ZNF175: variants seen among roughly 807,000 people sequenced by gnomAD.
ZNF175 encodes the protein zinc finger protein 175.
In ZNF175, 8 loss-of-function variants were observed where a neutral mutation model predicts 14.0. The observed-to-expected ratio is 0.57, with a 90% CI of 0.34 to 1.03. The LOEUF is 1.03. Ranked by LOEUF, ZNF175 falls within the 50% of genes least tolerant of loss-of-function variation. The pLI is 0.03. For synonymous variants in ZNF175, 255 were observed against 296.8 expected (o/e 0.86, Z 1.45); for missense variants, 764 against 849.5 (o/e 0.90, Z 1.25).
chr19:51,580,132 T>C (rs2122567407), intron 2 of ZNF175, among the ~76,000 whole-genome samples: 1 of 152,344 alleles, frequency 6.6e-6, no homozygotes, highest in Non-Finnish European at 1.5e-5. Context: ...TTAAGTTATA[T>C]GTGTGGCTCA....
chr19:51,581,373 T>A lies in ZNF175; in HGVS notation c.73-18T>A, dbSNP rs767671901. Reference sequence around the variant, plus strand: ...AATGATGACCTAATTCACAGTGAGCTGGGGTACACTGTTACAGGCATCAGT... The same window carrying A: ...AATGATGACCTAATTCACAGTGAGCAGGGGTACACTGTTACAGGCATCAGT... On this transcript the variant is annotated intron_variant, in intron 2 of 4. Coordinates refer to ENST00000262259, the MANE Select transcript of ZNF175 (RefSeq NM_007147.4). The A allele has an allele frequency of 1.2e-6, 2 of 1,614,176 alleles. No individual in the cohort carries two copies. Among genetic ancestry groups the A allele is most frequent in the Non-Finnish European group, 1.7e-6 (2 of 1,180,032 alleles).
rs1376520093 is a variant in ZNF175 at position 51,591,794 on chromosome 19, T to A, written c.*3327T>A. The A allele has an allele frequency of 1.2e-4, 18 of 147,756 alleles. No individual in the cohort carries two copies. The highest frequency in any genetic ancestry group is 4.6e-4 in the African/African-American group (18 of 39,476). 9.2% of individuals were successfully genotyped at this position (147,756 alleles called of 1,614,324 possible). A position where few individuals can be genotyped will look rare whatever the true frequency, so the allele number is the denominator to read the frequency against. ...TTTTTTTTTTTCTTGTGAGATGGAGTCTCGCTCTGTCGCCCAGGCTCTGGA... is the reference window on the plus strand; with the variant it reads ...TTTTTTTTTTTCTTGTGAGATGGAGACTCGCTCTGTCGCCCAGGCTCTGGA... On this transcript the variant is annotated 3_prime_UTR_variant, in exon 5 of 5. Coordinates refer to ENST00000262259, the MANE Select transcript of ZNF175 (RefSeq NM_007147.4).
In ZNF175 at chr19:51,577,787, C is replaced by T. The variant is rs566105306; in HGVS notation, c.73-3604C>T. On this transcript the variant is annotated intron_variant, in intron 2 of 4. Coordinates refer to ENST00000262259, the MANE Select transcript of ZNF175 (RefSeq NM_007147.4). Reference sequence around the variant, plus strand: ...CACGCCATTCTCCTGCTTCAGCCTCCCGAGTAGCTGGGACTAAAGGCGCCC... The same window carrying T: ...CACGCCATTCTCCTGCTTCAGCCTCTCGAGTAGCTGGGACTAAAGGCGCCC... 6.6e-3 allele frequency among the ~76,000 whole-genome samples: 1,006 copies of T among 151,684 alleles called. 12 individuals carry two copies. The highest frequency in any genetic ancestry group is 0.023 in the African/African-American group (968 of 41,304).
rs554449501 is a variant in ZNF175, at chr19:51,589,666, A to C, written c.*1199A>C. The C allele has an allele frequency of 4.4e-6, 3 of 679,308 alleles. No individual in the cohort carries two copies. The highest frequency in any genetic ancestry group is 3.5e-5 in the African/African-American group (2 of 56,404). 42.1% of individuals were successfully genotyped at this position (679,308 alleles called of 1,614,324 possible). On this transcript the variant is annotated 3_prime_UTR_variant, in exon 5 of 5. Coordinates refer to ENST00000262259, the MANE Select transcript of ZNF175 (RefSeq NM_007147.4). ...CACCAGGAGTCAACAAACTGTGGCC[A>C]TTGGCCAAATATGGCCTCCCAACTG...
chr19:51,575,283 CT>C (rs1981740982), intron 2 of ZNF175, among the ~76,000 whole-genome samples: 1 of 131,372 alleles, frequency 7.6e-6, no homozygotes, highest in South Asian at 2.8e-4. Flanking sequence ...GTGGCGCAAT[CT>C]CTGCTCACTG....
Position 51,589,269 on chromosome 19 carries a change from CGTATGTAT to C in ZNF175, c.*816_*823del, listed in dbSNP as rs3838910. The stretch of plus-strand genomic sequence containing the variant: ...TCTGGTCAGCATATGTGTATGTATG[CGTATGTAT>C]GTATGTATGTATGCCCTCAGTGCAG... On this transcript the variant is annotated 3_prime_UTR_variant, in exon 5 of 5. Transcript: ENST00000262259. 6 of 426,374 alleles carry C rather than the reference CGTATGTAT, an allele frequency of 1.4e-5. No individual in the cohort carries two copies. The highest frequency in any genetic ancestry group is 6.8e-5 in the South Asian group (2 of 29,208). 26.4% of individuals were successfully genotyped at this position (426,374 alleles called of 1,614,324 possible).
intron 2 of ZNF175, among the ~76,000 whole-genome samples, chr19:51,578,277 G>A (rs1407622543): frequency 6.6e-6 from 1 of 151,950 alleles, no homozygotes; most frequent in Non-Finnish European, 1.5e-5. Flanking sequence ...GCGGGTGCCT[G>A]TAATTCCAGC....
At chr19:51,580,266 C>T (rs1981953638) in intron 2 of ZNF175, among the ~76,000 whole-genome samples, 1 of 152,086 alleles carries the variant, frequency 6.6e-6, no homozygotes, top group Non-Finnish European at 1.5e-5. Flanking sequence ...TATTTTCCTA[C>T]CTCTCTACTT....
In ZNF175 at chr19:51,588,315, C is replaced by T. The variant is rs1329143520; in HGVS notation, c.1984C>T (p.Gln662Ter). ...FSKKPQLKVH[Q>*]RIHTGERPYV... is the part of the protein sequence containing the mutation. ...TAAGAAACCACAACTCAAGGTGCAT[C>T]AGCGAATTCACACGGGAGAAAGACC... The change falls in exon 5 of 5, where the codon CAG becomes TAG. Residue 662 changes from glutamine (Q) to a stop codon, truncating the protein, a stop_gained. Coordinates refer to ENST00000262259, the MANE Select transcript of ZNF175 (RefSeq NM_007147.4). LOFTEE classifies it low-confidence loss of function (END_TRUNC). The T allele has an allele frequency of 3.1e-6, 5 of 1,614,048 alleles. No individual in the cohort carries two copies. Among genetic ancestry groups the T allele is most frequent in the Non-Finnish European group, 4.2e-6 (5 of 1,180,042 alleles).
At chr19:51,575,934 A>G (rs1471655866) in intron 2 of ZNF175, among the ~76,000 whole-genome samples, 1 of 152,184 alleles carries the variant, frequency 6.6e-6, no homozygotes, top group Non-Finnish European at 1.5e-5. Context: ...TGTGTAAACT[A>G]TATTCAGAGC....
At position 51,592,016 on chromosome 19, in the gene ZNF175, C is replaced by T. The variant is rs951549441; in HGVS notation, c.*3549C>T. On this transcript the variant is annotated 3_prime_UTR_variant, in exon 5 of 5. Coordinates refer to ENST00000262259, the MANE Select transcript of ZNF175 (RefSeq NM_007147.4). ...ATCTCCTGACCTCGTGATCCCCCCC[C>T]CTCGGCCTCCCAAAGTGCCCATGAC... 6.6e-6 allele frequency: 1 copy of T among 152,210 alleles called. No homozygotes were observed. Among genetic ancestry groups the T allele is most frequent in the Non-Finnish European group, 1.5e-5 (1 of 68,142 alleles). The allele number at this position is 152,210 out of a possible 1,614,324, so 9.4% of individuals were successfully genotyped here.
At chr19:51,577,338 T>C (rs1041778147) in intron 2 of ZNF175, among the ~76,000 whole-genome samples, 15 of 152,218 alleles carry the variant, frequency 9.9e-5, no homozygotes, top group Non-Finnish European at 2.2e-4. Flanking sequence ...AAACTCTTTA[T>C]TTTTAAGCTG....
intron 2 of ZNF175, among the ~76,000 whole-genome samples, chr19:51,579,209 T>C (rs1483107632): frequency 2.2e-5 from 3 of 136,378 alleles, no homozygotes; most frequent in Non-Finnish European, 4.5e-5. Context: ...GCCAAGAGCA[T>C]GCCAGTGCAC....
chr19:51,575,368 C>T (rs1317221638), intron 2 of ZNF175, among the ~76,000 whole-genome samples: 1 of 152,026 alleles, frequency 6.6e-6, no homozygotes, highest in Non-Finnish European at 1.5e-5. Flanking sequence ...AGGCGCCTGA[C>T]AGCACTGCTG....
Position 51,589,905 on chromosome 19 carries a change from A to G in ZNF175, c.*1438A>G, listed in dbSNP as rs1044863331. 5.9e-5 allele frequency: 24 copies of G among 405,518 alleles called. No individual in the cohort carries two copies. Among genetic ancestry groups the G allele is most frequent in the African/African-American group, 4.2e-4 (21 of 50,468 alleles). The allele number at this position is 405,518 out of a possible 1,614,324, so 25.1% of individuals were successfully genotyped here. A position where few individuals can be genotyped will look rare whatever the true frequency, so the allele number is the denominator to read the frequency against. On this transcript the variant is annotated 3_prime_UTR_variant, in exon 5 of 5. Transcript: ENST00000262259. ...CACAAACACACACACATACACACAT[A>G]TTACTATGTTCATCATCATATACCT...
intron 2 of ZNF175, among the ~76,000 whole-genome samples, chr19:51,578,823 A>C (rs952322476): frequency 6.6e-6 from 1 of 152,132 alleles, no homozygotes; most frequent in Non-Finnish European, 1.5e-5. Flanking sequence ...ACTCCTTCAG[A>C]AACACAGAAA....
At chr19:51,582,741 T>G (rs1367804358) in intron 4 of ZNF175, among the ~76,000 whole-genome samples, 1 of 152,220 alleles carries the variant, frequency 6.6e-6, no homozygotes, top group East Asian at 1.9e-4. Flanking sequence ...CTGCCTTTTT[T>G]TTCCAGTTTT....
Position 51,586,936 on chromosome 19 carries a change from C to T in ZNF175, c.605C>T (p.Thr202Ile). The T allele has an allele frequency of 6.2e-7, 1 of 1,614,148 alleles. No individual in the cohort carries two copies. ...QKQPQKCCLF[T>I]ESLKLNLEVN... ...CAACCTCAGAAATGTTGCTTATTTA[C>T]AGAAAGTTTGAAGCTGAACCTAGAA... Residue 202 changes from threonine (T) to isoleucine (I), a missense_variant, in exon 5 of 5, where the codon ACA becomes ATA. Transcript: ENST00000262259.
In ZNF175 at chr19:51,587,558, T is replaced by A. The variant is rs758169320; in HGVS notation, c.1227T>A (p.His409Gln). ...CCCAAAACTCAACCCTCATTATACA[T>A]CAGAAAATTCATACTGGTGAGAGAC... ...GFSQNSTLII[H>Q]QKIHTGERQY... is the part of the protein sequence containing the mutation. The change falls in exon 5 of 5, where the codon CAT becomes CAA. Residue 409 changes from histidine to glutamine, a missense_variant. Transcript: ENST00000262259. 11 of 1,613,920 alleles carry A rather than the reference T, an allele frequency of 6.8e-6. No individual in the cohort carries two copies. The highest frequency in any genetic ancestry group is 1.6e-4 in the Middle Eastern group (1 of 6,084).
Sources: gnomAD v4.1 joint callset for allele counts (sites outside exome capture counted in the v4.1 genomes callset) on GRCh38, gnomAD v4.1.1 for gene constraint, MANE v1.5 for transcripts, NCBI Gene and HGNC (gene_info 2026-07-23, HGNC 2026-07-21) for gene names.